Variants in CYSLTR1 observed in about 807,000 individuals in gnomAD.
The protein encoded by CYSLTR1 is G-protein coupled receptor HG55.
Under a neutral mutation model 2.1 loss-of-function variants are expected in CYSLTR1, and 1 was observed. The ratio of observed to expected loss-of-function variants is 0.48; its 90% confidence interval spans 0.17 to 2.28. The LOEUF (loss-of-function observed/expected upper bound fraction) is 2.28, where lower values mean the gene tolerates loss of function less well. Among genes scored for constraint, CYSLTR1 ranks in the 30% most tolerant of loss-of-function variants. CYSLTR1 has a pLI of 0.26. For synonymous variants in CYSLTR1, 110 were observed against 89.6 expected, an observed-to-expected ratio of 1.23 and a Z score of -1.28; for missense variants, 299 against 250.1, an observed-to-expected ratio of 1.20 and a Z score of -1.32.
intron 1 of CYSLTR1, among the ~76,000 whole-genome samples, chrX:78,304,929 C>A (rs1362927525): frequency 8.9e-6 from 1 of 111,908 alleles, no homozygotes; most frequent in African/African-American, 3.3e-5. Context: ...TCTAAGCCTT[C>A]TCCCTGTAAT....
chrX:78,301,936 T>C (rs908191573), intron 1 of CYSLTR1, among the ~76,000 whole-genome samples: 1 of 112,221 alleles, frequency 8.9e-6, no homozygotes, highest in Non-Finnish European at 1.9e-5. Context: ...CCTTACATGG[T>C]GGCAGGCAAG....
chrX:78,323,219 A>G (rs769389689), intron 1 of CYSLTR1, among the ~76,000 whole-genome samples: 6 of 111,233 alleles, frequency 5.4e-5, no homozygotes, highest in Non-Finnish European at 1.1e-4. Context: ...TTCCAGGAAT[A>G]CCTCTATAAC....
At chrX:78,296,300 G>T (rs1922570218) in intron 1 of CYSLTR1, among the ~76,000 whole-genome samples, 1 of 111,337 alleles carries the variant, frequency 9.0e-6, no homozygotes, top group African/African-American at 3.3e-5. Flanking sequence ...GGTTACTATG[G>T]TTTAATAGTA....
intron 1 of CYSLTR1, among the ~76,000 whole-genome samples, chrX:78,323,430 C>A (rs1923742810): frequency 8.9e-6 from 1 of 111,858 alleles, no homozygotes; most frequent in Admixed American, 9.5e-5. Context: ...CAAATGGTAA[C>A]CAATTTGGAA....
At chrX:78,297,829 T>C (rs772145900) in intron 1 of CYSLTR1, among the ~76,000 whole-genome samples, 9 of 111,778 alleles carry the variant, frequency 8.1e-5, no homozygotes, top group Non-Finnish European at 1.5e-4. Flanking sequence ...AACTGATTTT[T>C]TGTTTCATTG....
chrX:78,271,877 AAGT>A lies in CYSLTR1; in HGVS notation c.*853_*855del, dbSNP rs1460348275. ...TGATCCCAGCAATTGGCATATAGAA[AAGT>A]AGATTCCTTTTCCTTTTCTCTTCTT... On this transcript the variant is annotated 3_prime_UTR_variant, in exon 3 of 3. Coordinates refer to ENST00000373304, the MANE Select transcript of CYSLTR1 (RefSeq NM_006639.4). The A allele has an allele frequency of 1.8e-5, 2 of 112,307 alleles. No individual in the cohort carries two copies. Among genetic ancestry groups the A allele is most frequent in the Non-Finnish European group, 3.8e-5 (2 of 53,266 alleles). The allele number at this position is 112,307 out of a possible 1,213,427, so 9.3% of individuals were successfully genotyped here. A position where few individuals can be genotyped will look rare whatever the true frequency, so the allele number is the denominator to read the frequency against.
intron 1 of CYSLTR1, among the ~76,000 whole-genome samples, chrX:78,294,190 T>C (rs908057297): frequency 1.8e-5 from 2 of 112,680 alleles, no homozygotes; most frequent in African/African-American, 6.5e-5. Context: ...TTCTGTTTGT[T>C]AGTTTTCCTT....
intron 1 of CYSLTR1, among the ~76,000 whole-genome samples, chrX:78,298,070 T>C (rs1922652140): frequency 9.0e-6 from 1 of 111,357 alleles, no homozygotes; most frequent in African/African-American, 3.3e-5. Context: ...TGGTATGTTG[T>C]GTTTCCATTA....
At chrX:78,325,083 T>G (rs1923819379) in intron 1 of CYSLTR1, among the ~76,000 whole-genome samples, 1 of 112,646 alleles carries the variant, frequency 8.9e-6, no homozygotes, top group African/African-American at 3.2e-5. Flanking sequence ...TCAATGGGCT[T>G]GGTTAAAGTA....
rs1011468314 is a variant in CYSLTR1 at position 78,299,530 on chromosome X, T to C, written c.-114-15990A>G. 4.5e-5 allele frequency among the ~76,000 whole-genome samples: 5 copies of C among 110,538 alleles called. No individual in the cohort carries two copies. The South Asian group carries it at 1.9e-3, about 43-fold the overall frequency. ...GTCTGGGAAAGTCTTTATTTCTCCT[T>C]CATGTTTGAAGGATATTTCCACCAG... On this transcript the variant is annotated intron_variant, in intron 1 of 2. Coordinates refer to ENST00000373304, the MANE Select transcript of CYSLTR1 (RefSeq NM_006639.4).
At position 78,272,156 on chromosome X, in the gene CYSLTR1, T is replaced by C. The variant is rs992637958; in HGVS notation, c.*577A>G. ...GTGCTTTTAGGACCCTTTAGCTGAA[T>C]ACTAGTCTGTTCTAGCACTTTTACA... is the stretch of plus-strand genomic sequence containing the variant. On this transcript the variant is annotated 3_prime_UTR_variant, in exon 3 of 3. Transcript: ENST00000373304. The C allele has an allele frequency of 1.8e-5, 2 of 111,818 alleles. No homozygotes were observed. The highest frequency in any genetic ancestry group is 9.6e-5 in the Admixed American group (1 of 10,404). The allele number at this position is 111,818 out of a possible 1,213,427, so 9.2% of individuals were successfully genotyped here.
intron 1 of CYSLTR1, among the ~76,000 whole-genome samples, chrX:78,315,809 A>G (rs778400805): frequency 8.9e-6 from 1 of 112,175 alleles, no homozygotes; most frequent in South Asian, 3.8e-4. Flanking sequence ...GCACCACAGG[A>G]CCCACCCAAA....
intron 1 of CYSLTR1, among the ~76,000 whole-genome samples, chrX:78,295,370 CT>C (rs36092711): frequency 0.025 from 2,147 of 86,416 alleles, 36 homozygotes; most frequent in African/African-American, 0.061. Context: ...TCCTGATTTC[CT>C]TTTTTTTTTT....
chrX:78,281,146 T>C (rs1440311366), intron 2 of CYSLTR1, among the ~76,000 whole-genome samples: 1 of 111,846 alleles, frequency 8.9e-6, no homozygotes, highest in African/African-American at 3.3e-5. Flanking sequence ...TTTTAGCTCT[T>C]TGAGGAATTG....
At chrX:78,321,822 G>T (rs987092973) in intron 1 of CYSLTR1, 3 of 111,517 alleles carry the variant, frequency 2.7e-5, no homozygotes, top group African/African-American at 9.8e-5. Flanking sequence ...GAGACTGATG[G>T]GTGTTTTTGG....
At chrX:78,274,948 C>T (rs1414880566) in intron 2 of CYSLTR1, among the ~76,000 whole-genome samples, 2 of 112,006 alleles carry the variant, frequency 1.8e-5, no homozygotes, top group Non-Finnish European at 3.8e-5. Flanking sequence ...CAAAAGAAGA[C>T]ATTTATGCAG....
chrX:78,278,459 G>A (rs1309270720), intron 2 of CYSLTR1, among the ~76,000 whole-genome samples: 1 of 112,080 alleles, frequency 8.9e-6, no homozygotes, highest in African/African-American at 3.2e-5. Flanking sequence ...ACTGCTCAAA[G>A]AAACCAGATA....
intron 1 of CYSLTR1, among the ~76,000 whole-genome samples, chrX:78,299,172 C>T (rs1922708847): frequency 9.0e-6 from 1 of 111,434 alleles, no homozygotes; most frequent in Non-Finnish European, 1.9e-5. Flanking sequence ...TATAAAAATT[C>T]TATGCCTTAA....
chrX:78,279,600 A>T (rs1435575481), intron 2 of CYSLTR1, among the ~76,000 whole-genome samples: 2 of 112,486 alleles, frequency 1.8e-5, no homozygotes, highest in East Asian at 5.5e-4. Flanking sequence ...TACTGGGTAA[A>T]TACCCACAGG....
Sources: allele counts gnomAD v4.1 joint callset (sites outside exome capture counted in the v4.1 genomes callset), GRCh38; gene constraint gnomAD v4.1.1; transcripts MANE v1.5; gene names NCBI Gene and HGNC (gene_info 2026-07-23, HGNC 2026-07-21).